Variants in FHIP1B observed in about 807,000 individuals in gnomAD.
FHIP1B encodes FHF complex subunit HOOK-interacting protein 1B.
FHIP1B carries 28 observed loss-of-function variants against 82.2 expected under a neutral mutation model. The observed-to-expected ratio is 0.34, with a 90% confidence interval of 0.25 to 0.47. FHIP1B has a LOEUF of 0.47. Ranked by LOEUF, FHIP1B falls within the 20% of genes least tolerant of loss-of-function variation. The pLI is 1.00. For synonymous variants in FHIP1B, 585 were observed against 516.1 expected, an observed-to-expected ratio of 1.13 and a Z score of -1.81; for missense variants, 1,110 against 1,262.6, an observed-to-expected ratio of 0.88 and a Z score of 1.83.
chr11:6,215,748 C>T (rs889041660), intron 9 of FHIP1B, among the ~76,000 whole-genome samples: 8 of 152,194 alleles, frequency 5.3e-5, no homozygotes, highest in Non-Finnish European at 1.0e-4. Flanking sequence ...AAACTGACCT[C>T]AGCTAAGCCA....
At chr11:6,220,131 G>A (rs1847365750) in intron 6 of FHIP1B, among the ~76,000 whole-genome samples, 1 of 152,098 alleles carries the variant, frequency 6.6e-6, no homozygotes, top group African/African-American at 2.4e-5. Context: ...TATCCTAGAT[G>A]AGATTATCCT....
At chr11:6,230,633 G>C (rs551322198) in intron 1 of FHIP1B, among the ~76,000 whole-genome samples, 2 of 152,142 alleles carry the variant, frequency 1.3e-5, no homozygotes, top group Non-Finnish European at 2.9e-5. Context: ...TGACTCCAGC[G>C]GGGTCCATCC....
At chr11:6,218,919 A>T in intron 7 of FHIP1B, 52 bp downstream of exon 7, 1 of 1,595,448 alleles carries the variant, frequency 6.3e-7, no homozygotes. Context: ...GCAATGCATA[A>T]GACTCTGAGG....
At chr11:6,234,219 A>C (rs1847779896) in intron 1 of FHIP1B, among the ~76,000 whole-genome samples, 4 of 147,288 alleles carry the variant, frequency 2.7e-5, no homozygotes, top group East Asian at 2.0e-4. Context: ...TGCGCCTTTT[A>C]CTCTCTCTCT....
chr11:6,222,316 C>T (rs1847432110), intron 6 of FHIP1B, 126 bp downstream of exon 6: 3 of 1,029,854 alleles, frequency 2.9e-6, no homozygotes, highest in Non-Finnish European at 4.4e-6. Flanking sequence ...AAAGTTAATG[C>T]CACTTAATTT....
At chr11:6,218,280 C>G (rs2133804529) in intron 8 of FHIP1B, 130 bp from the exon 9 acceptor site, 1 of 1,292,674 alleles carries the variant, frequency 7.7e-7, no homozygotes, top group Non-Finnish European at 1.0e-6. Flanking sequence ...ACAGCTAACT[C>G]TCCAACCTCC....
intron 9 of FHIP1B, chr11:6,216,943 A>G: frequency 3.2e-6 from 2 of 619,900 alleles, no homozygotes. Flanking sequence ...AGACCCAGAC[A>G]GATAAACTGG....
rs760811561 is a variant in FHIP1B at position 6,218,029 on chromosome 11, T to C, written c.1557A>G (p.Pro519=). Residue 519 remains proline, a synonymous_variant, in exon 9 of 12, where the codon CCA becomes CCG. Coordinates refer to ENST00000449352, the MANE Select transcript of FHIP1B (RefSeq NM_001098794.2). The stretch of plus-strand genomic sequence containing the variant: ...CAGAAAGCCCTGGTGAGCAAGGGGC[T>C]GGGCCTGGAGACTCAGAGCCACCCA... ...QSLGGSESPG[P]APCSPGLSAS... is the part of the protein sequence containing the mutation. The C allele has an allele frequency of 6.2e-7, 1 of 1,613,492 alleles. No individual in the cohort carries two copies. Among genetic ancestry groups the C allele is most frequent in the Non-Finnish European group, 8.5e-7 (1 of 1,179,784 alleles).
rs761121887 is a variant in FHIP1B at position 6,218,664 on chromosome 11, G to T, written c.1371C>A (p.Ile457=). 2.5e-6 allele frequency: 4 copies of T among 1,614,052 alleles called. No individual in the cohort carries two copies. Among genetic ancestry groups the T allele is most frequent in the African/African-American group, 2.7e-5 (2 of 74,920 alleles). ...GGGCGTGGTGCCGACAACAGCGTGG[G>T]ATTAGGGAGAGAAACTTGTCAGCTG... ...GRAADKFLSL[I]PRCCRHHAPS... The change falls in exon 8 of 12, where the codon ATC becomes ATA. Residue 457 remains isoleucine, a synonymous_variant. Coordinates refer to ENST00000449352, the MANE Select transcript of FHIP1B (RefSeq NM_001098794.2).
chr11:6,217,624 C>G lies in FHIP1B; in HGVS notation c.1962G>C (p.Lys654Asn), dbSNP rs1189546826. 1 of 1,614,022 alleles carries G rather than the reference C, an allele frequency of 6.2e-7. No individual in the cohort carries two copies. The highest frequency in any genetic ancestry group is 1.1e-5 in the South Asian group (1 of 91,050). ...EGAKKVRLVP[K>N]EGAGELLEGI... ...CCTCTAGCAGTTCCCCAGCTCCCTC[C>G]TTTGGCACCAGACGAACCTTCTTGG... The change falls in exon 9 of 12, where the codon AAG (lysine) becomes AAC (asparagine). Residue 654 changes from lysine to asparagine, a missense_variant. Physicochemically the swap from Lys to Asn is moderately conservative, Grantham distance 94. Transcript: ENST00000449352.
chr11:6,222,639 T>C (rs1348915093), intron 5 of FHIP1B, 30 bp from the exon 6 acceptor site: 1 of 1,611,156 alleles, frequency 6.2e-7, no homozygotes, highest in Non-Finnish European at 8.5e-7. Context: ...AGTCTGGAAA[T>C]GCACAGCTTC....
chr11:6,228,285 G>A (rs1010621628), intron 1 of FHIP1B, among the ~76,000 whole-genome samples: 2 of 152,138 alleles, frequency 1.3e-5, no homozygotes, highest in Non-Finnish European at 2.9e-5. Context: ...AGGAGGCAGA[G>A]GTTGCGGTGA....
At position 6,214,909 on chromosome 11, in the gene FHIP1B, G is replaced by T; in HGVS notation, c.2218C>A (p.Pro740Thr). Reference protein sequence around the residue: ...NQLPSQPFTGPFMAVLFAKLE... With the variant: ...NQLPSQPFTGTFMAVLFAKLE... Reference sequence around the variant, plus strand: ...TTGGCAAAGAGCACAGCCATGAAGGGGCCTGGGTTGGGGGGGAGGTGGGCA... The same window carrying T: ...TTGGCAAAGAGCACAGCCATGAAGGTGCCTGGGTTGGGGGGGAGGTGGGCA... Residue 740 changes from proline to threonine, a missense_variant and splice_region_variant, in exon 10 of 12, where the codon CCC becomes ACC. Physicochemically the swap from Pro to Thr is conservative, Grantham distance 38. Coordinates refer to ENST00000449352, the MANE Select transcript of FHIP1B (RefSeq NM_001098794.2). 6.4e-7 allele frequency: 1 copy of T among 1,562,960 alleles called. No individual in the cohort carries two copies. The highest frequency in any genetic ancestry group is 8.7e-7 in the Non-Finnish European group (1 of 1,151,680).
At position 6,217,351 on chromosome 11, in the gene FHIP1B, G is replaced by T; in HGVS notation, c.2215+20C>A. 6.2e-7 allele frequency: 1 copy of T among 1,603,544 alleles called. No individual in the cohort carries two copies. The highest frequency in any genetic ancestry group is 8.5e-7 in the Non-Finnish European group (1 of 1,170,870). On this transcript the variant is annotated intron_variant, in intron 9 of 11. Transcript: ENST00000449352. Reference sequence around the variant, plus strand: ...ATGCAAAGAGTACACAGAAGGGAAGGCCTAGGCTAAGTAGCTTACCAGTGA... The same window carrying T: ...ATGCAAAGAGTACACAGAAGGGAAGTCCTAGGCTAAGTAGCTTACCAGTGA...
chr11:6,221,923 C>T (rs149189254), intron 6 of FHIP1B, among the ~76,000 whole-genome samples: 2 of 152,130 alleles, frequency 1.3e-5, no homozygotes, highest in Non-Finnish European at 2.9e-5. Context: ...GTATGGCACA[C>T]AGTGAACATT....
At chr11:6,233,665 T>C (rs1847761037) in intron 1 of FHIP1B, among the ~76,000 whole-genome samples, 1 of 152,186 alleles carries the variant, frequency 6.6e-6, no homozygotes, top group East Asian at 1.9e-4. Context: ...AATATAGTAC[T>C]GTATAGGGCA....
intron 1 of FHIP1B, among the ~76,000 whole-genome samples, chr11:6,232,029 C>T (rs1304890606): frequency 6.6e-6 from 1 of 152,146 alleles, no homozygotes; most frequent in African/African-American, 2.4e-5. Flanking sequence ...TAGTAGAGTG[C>T]CTGGCACAGA....
chr11:6,214,421 A>G lies in FHIP1B; in HGVS notation c.2547T>C (p.Ser849=). 6.2e-7 allele frequency: 1 copy of G among 1,610,174 alleles called. No individual in the cohort carries two copies. The highest frequency in any genetic ancestry group is 8.5e-7 in the Non-Finnish European group (1 of 1,178,108). The change falls in exon 11 of 12, where the codon TCT becomes TCC. Residue 849 remains serine, a synonymous_variant. Coordinates refer to ENST00000449352, the MANE Select transcript of FHIP1B (RefSeq NM_001098794.2). ...TGGGATAGGCCTCACCTAGGGGATCAGAACGGCGTGGGGCAGGTCCTGCTG... is the reference window on the plus strand; with the variant it reads ...TGGGATAGGCCTCACCTAGGGGATCGGAACGGCGTGGGGCAGGTCCTGCTG... ...GPAAGPAPRR[S]DPLVKSRRPS...
intron 8 of FHIP1B, 148 bp from the exon 9 acceptor site, chr11:6,218,298 C>A (rs1232110912): frequency 8.3e-7 from 1 of 1,210,976 alleles, no homozygotes; most frequent in East Asian, 2.5e-5. Flanking sequence ...TCCTAATTAA[C>A]CTTATCCTCA....
Sources: allele counts gnomAD v4.1 joint callset (sites outside exome capture counted in the v4.1 genomes callset), GRCh38; gene constraint gnomAD v4.1.1; transcripts MANE v1.5; gene names NCBI Gene and HGNC (gene_info 2026-07-23, HGNC 2026-07-21).